Variants in KIFAP3 observed in about 807,000 individuals in gnomAD.
KIFAP3 encodes kinesin associated protein 3, also known as kinesin-associated protein 3.
In KIFAP3, 68 loss-of-function variants were observed where a neutral mutation model predicts 106.5. That is an observed-to-expected ratio of 0.64 (90% CI 0.53 to 0.78). The LOEUF (loss-of-function observed/expected upper bound fraction) is 0.78, where lower values mean the gene tolerates loss of function less well. Ranked by LOEUF, KIFAP3 falls within the 30% of genes least tolerant of loss-of-function variation. KIFAP3 has a pLI of 0.00. For missense variants in KIFAP3, 780 were observed against 941.8 expected (o/e 0.83, Z 2.25); for synonymous variants, 320 against 311.5 (o/e 1.03, Z -0.29).
chr1:170,019,605 T>C (rs1330534802), intron 9 of KIFAP3, among the ~76,000 whole-genome samples: 1 of 152,102 alleles, frequency 6.6e-6, no homozygotes, highest in East Asian at 1.9e-4. Context: ...ATCTCAGTAA[T>C]AGATACAGGA....
intron 19 of KIFAP3, among the ~76,000 whole-genome samples, chr1:169,927,714 G>C (rs1034929942): frequency 3.9e-5 from 6 of 152,174 alleles, no homozygotes. Flanking sequence ...CAGAATTCCT[G>C]ATGGTGGAGC....
At chr1:169,954,268 T>G (rs1478551893) in intron 18 of KIFAP3, among the ~76,000 whole-genome samples, 158 bp from the exon 19 acceptor site, 1 of 152,258 alleles carries the variant, frequency 6.6e-6, no homozygotes, top group African/African-American at 2.4e-5. Flanking sequence ...GACAACTGTA[T>G]GTACCTTAAG....
upstream of KIFAP3, among the ~76,000 whole-genome samples, chr1:170,076,279 G>T (rs1671909024): frequency 6.6e-6 from 1 of 152,118 alleles, no homozygotes; most frequent in African/African-American, 2.4e-5. Context: ...GAGAGAGCTG[G>T]AAACCAGAGC....
chr1:169,966,042 C>T (rs1665597422), intron 17 of KIFAP3, among the ~76,000 whole-genome samples: 1 of 151,746 alleles, frequency 6.6e-6, no homozygotes, highest in Non-Finnish European at 1.5e-5. Flanking sequence ...ACATTATAAG[C>T]CTAAAAAGTA....
At chr1:170,008,767 T>G (rs1668097966) in intron 10 of KIFAP3, among the ~76,000 whole-genome samples, 1 of 152,176 alleles carries the variant, frequency 6.6e-6, no homozygotes. Context: ...ATCCCATTAC[T>G]GGGTATACCC....
At chr1:170,077,822 G>C (rs1019329141), upstream of KIFAP3, among the ~76,000 whole-genome samples, 4 of 151,428 alleles carry the variant, frequency 2.6e-5, no homozygotes, top group Admixed American at 2.0e-4. Flanking sequence ...GTAGCCTTTT[G>C]AATCTGGTTT....
Position 169,954,115 on chromosome 1 carries a change from A to G in KIFAP3, c.2174-5T>C, listed in dbSNP as rs1269196182. The G allele has an allele frequency of 6.3e-7, 1 of 1,574,858 alleles. No individual in the cohort carries two copies. On this transcript the variant is annotated splice_polypyrimidine_tract_variant and splice_region_variant and intron_variant, in intron 18 of 19. Transcript: ENST00000361580. ...CTTCAGAGGCAATTAATCCATCTAG[A>G]AAGAAAAAAAAATGGTAACCAGTAA...
chr1:170,020,967 A>T (rs1668785685), intron 9 of KIFAP3, among the ~76,000 whole-genome samples: 3 of 152,180 alleles, frequency 2.0e-5, no homozygotes, highest in Non-Finnish European at 4.4e-5. Flanking sequence ...ACCCAAATAC[A>T]GTCCACTAAA....
chr1:169,938,124 G>A (rs1663909505), intron 19 of KIFAP3, among the ~76,000 whole-genome samples: 1 of 151,906 alleles, frequency 6.6e-6, no homozygotes, highest in Non-Finnish European at 1.5e-5. Flanking sequence ...CATTATAAGA[G>A]TTGCTTTTGA....
chr1:169,976,999 A>G (rs1666247741), intron 16 of KIFAP3, among the ~76,000 whole-genome samples: 1 of 152,192 alleles, frequency 6.6e-6, no homozygotes, highest in African/African-American at 2.4e-5. Context: ...TGCTGGGATT[A>G]CAGGCATGAG....
intron 1 of KIFAP3, among the ~76,000 whole-genome samples, chr1:170,062,888 T>A (rs2102150697): frequency 6.6e-6 from 1 of 152,264 alleles, no homozygotes; most frequent in Admixed American, 6.5e-5. Context: ...GTCTTTTTTT[T>A]TTAATCACTG....
chr1:170,036,139 T>C (rs958146678), intron 5 of KIFAP3, among the ~76,000 whole-genome samples: 11 of 152,094 alleles, frequency 7.2e-5, no homozygotes, highest in African/African-American at 2.2e-4. Flanking sequence ...GGTAGGTTAA[T>C]AAGCATTTCT....
chr1:170,077,628 A>G (rs1030747706), upstream of KIFAP3, among the ~76,000 whole-genome samples: 1 of 152,198 alleles, frequency 6.6e-6, no homozygotes, highest in East Asian at 1.9e-4. Flanking sequence ...AAGTTTTGAA[A>G]AACTCTTAAG....
chr1:170,059,675 C>T (rs1326101609), intron 1 of KIFAP3, among the ~76,000 whole-genome samples: 7 of 152,112 alleles, frequency 4.6e-5, no homozygotes, highest in South Asian at 2.1e-4. Flanking sequence ...ATGAGGCCTG[C>T]ATCATCCTGA....
intron 10 of KIFAP3, among the ~76,000 whole-genome samples, chr1:169,995,041 CA>C (rs1396605241): frequency 6.6e-6 from 1 of 151,972 alleles, no homozygotes; most frequent in Non-Finnish European, 1.5e-5. Flanking sequence ...GAGAAAAGTG[CA>C]GACAAATAAA....
intron 2 of KIFAP3, among the ~76,000 whole-genome samples, chr1:170,048,049 G>GA (rs991604600): frequency 2.9e-4 from 44 of 152,304 alleles, no homozygotes; most frequent in African/African-American, 1.0e-3. Flanking sequence ...CAGGAGTGGG[G>GA]ATCTCAGAGC....
intron 10 of KIFAP3, among the ~76,000 whole-genome samples, chr1:170,011,120 A>AGGTTTCTG: frequency 6.6e-6 from 1 of 152,116 alleles, no homozygotes; most frequent in Non-Finnish European, 1.5e-5. Flanking sequence ...GATTTACAGA[A>AGGTTTCTG]GGTTTCTGCC....
chr1:169,956,497 T>A (rs1008575841), intron 18 of KIFAP3, among the ~76,000 whole-genome samples: 35 of 151,916 alleles, frequency 2.3e-4, no homozygotes, highest in Non-Finnish European at 4.6e-4. Flanking sequence ...AAATTAAAAA[T>A]TTTTTACTTC....
Position 170,009,828 on chromosome 1 carries a change from A to G in KIFAP3, c.1183+6634T>C, listed in dbSNP as rs575873199. On this transcript the variant is annotated intron_variant, in intron 10 of 19. Transcript: ENST00000361580. Reference sequence around the variant, plus strand: ...GTCAAATGGCTTAATAAGTTTTGACAAGGAAAAAAATTTTTTTGAAGATCT... The same window carrying G: ...GTCAAATGGCTTAATAAGTTTTGACGAGGAAAAAAATTTTTTTGAAGATCT... 8.5e-5 allele frequency among the ~76,000 whole-genome samples: 13 copies of G among 152,268 alleles called. No homozygotes were observed. In the South Asian group the frequency reaches 2.5e-3, roughly 29 times the overall value.
Sources: allele counts gnomAD v4.1 joint callset (sites outside exome capture counted in the v4.1 genomes callset), GRCh38; gene constraint gnomAD v4.1.1; transcripts MANE v1.5; gene names NCBI Gene and HGNC (gene_info 2026-07-23, HGNC 2026-07-21).